MCTP1: variants seen among roughly 807,000 people sequenced by gnomAD.
The protein encoded by MCTP1 is multiple C2 and transmembrane domain-containing protein 1.
A neutral mutation model predicts 120.6 loss-of-function variants in MCTP1; 69 were observed. That is an observed-to-expected ratio of 0.57 (90% CI 0.47 to 0.70). The LOEUF is 0.70. Ranked by LOEUF, MCTP1 falls within the 30% of genes least tolerant of loss-of-function variation. The pLI, the probability that MCTP1 is intolerant of heterozygous loss-of-function variation, is 0.00. For missense variants in MCTP1, 1,203 were observed against 1,248.8 expected (o/e 0.96, Z 0.55); for synonymous variants, 529 against 493.1 (o/e 1.07, Z -0.96).
intron 4 of MCTP1, among the ~76,000 whole-genome samples, chr5:94,940,833 A>C (rs1181317068): frequency 6.6e-6 from 1 of 151,508 alleles, no homozygotes; most frequent in East Asian, 1.9e-4. Flanking sequence ...TGTATTACAT[A>C]GTATAATAAC....
intron 18 of MCTP1, among the ~76,000 whole-genome samples, chr5:94,794,616 T>C (rs941454970): frequency 2.0e-5 from 3 of 152,216 alleles, no homozygotes; most frequent in Non-Finnish European, 4.4e-5. Flanking sequence ...AGTTGCTTAC[T>C]TATCCTCCTT....
At chr5:94,837,273 C>T (rs777960117) in intron 17 of MCTP1, among the ~76,000 whole-genome samples, 5 of 152,126 alleles carry the variant, frequency 3.3e-5, no homozygotes, top group East Asian at 3.9e-4. Context: ...CCCAGCTGCT[C>T]GGGAGGCTGA....
intron 17 of MCTP1, among the ~76,000 whole-genome samples, chr5:94,800,042 T>A (rs1005442668): frequency 6.6e-6 from 1 of 152,198 alleles, no homozygotes; most frequent in Non-Finnish European, 1.5e-5. Context: ...CTGACTCTAA[T>A]GCTAACTAGC....
Position 94,987,834 on chromosome 5 carries a change from CTAAA to C in MCTP1, c.838+29529_838+29532del, listed in dbSNP as rs540112696. 2.6e-3 allele frequency among the ~76,000 whole-genome samples: 393 copies of C among 152,282 alleles called. 2 individuals are homozygous for C. The highest frequency in any genetic ancestry group is 8.9e-3 in the African/African-American group (368 of 41,548). On this transcript the variant is annotated intron_variant, in intron 2 of 22. Coordinates refer to ENST00000515393, the MANE Select transcript of MCTP1 (RefSeq NM_024717.7). ...GATGAAAACTTGATAAGTGAATCCT[CTAAA>C]TAAATTATCATTTGGAGAGCTTTTT...
chr5:94,839,881 CATATA>C (rs1455489210), intron 17 of MCTP1, among the ~76,000 whole-genome samples: 3 of 152,174 alleles, frequency 2.0e-5, no homozygotes, highest in Non-Finnish European at 4.4e-5. Flanking sequence ...CACTGCCTAG[CATATA>C]ATATATGCTC....
At chr5:94,713,229 T>C (rs1453230149) in intron 20 of MCTP1, among the ~76,000 whole-genome samples, 1 of 152,068 alleles carries the variant, frequency 6.6e-6, no homozygotes, top group African/African-American at 2.4e-5. Flanking sequence ...TTTTTTAGCA[T>C]CCAAAAGATC....
intron 1 of MCTP1, among the ~76,000 whole-genome samples, chr5:95,117,047 A>G (rs1256011703): frequency 1.3e-5 from 2 of 152,202 alleles, no homozygotes; most frequent in African/African-American, 4.8e-5. Context: ...TTTAGAAGAA[A>G]AAACAAACAA....
chr5:94,868,604 A>G (rs2153276737), intron 16 of MCTP1, 152 bp from the exon 17 acceptor site: 1 of 503,698 alleles, frequency 2.0e-6, no homozygotes, highest in East Asian at 3.5e-5. Context: ...CACAAGTTAA[A>G]GAATTTATTT....
intron 2 of MCTP1, among the ~76,000 whole-genome samples, chr5:94,956,262 C>T (rs1822583263): frequency 6.6e-6 from 1 of 152,122 alleles, no homozygotes; most frequent in South Asian, 2.1e-4. Context: ...ATCCAAAGGT[C>T]ACCAACAGCA....
chr5:95,234,381 T>C (rs1268775678), intron 1 of MCTP1, among the ~76,000 whole-genome samples: 24 of 152,198 alleles, frequency 1.6e-4, no homozygotes, highest in Admixed American at 1.6e-3. Context: ...TTTGTTTACA[T>C]TGAGAAGCTT....
Position 94,866,760 on chromosome 5 carries a change from G to C in MCTP1, c.2436+1573C>G, listed in dbSNP as rs114318829. ...CCAGTGCCTGAGTTTTTTTTTTTTA[G>C]AATCAAAAGGAAATTGCAAAAAAAA... On this transcript the variant is annotated intron_variant, in intron 17 of 22. Transcript: ENST00000515393. 6.4e-3 allele frequency among the ~76,000 whole-genome samples: 947 copies of C among 148,320 alleles called. 6 individuals are homozygous for C. The highest frequency in any genetic ancestry group is 0.023 in the African/African-American group (912 of 40,250).
At chr5:95,021,940 A>G (rs1356704676) in intron 1 of MCTP1, among the ~76,000 whole-genome samples, 4 of 152,184 alleles carry the variant, frequency 2.6e-5, no homozygotes, top group African/African-American at 4.8e-5. Context: ...TGCTTTAAAA[A>G]AAGCACTGCT....
At chr5:94,851,316 C>T (rs1466669992) in intron 17 of MCTP1, among the ~76,000 whole-genome samples, 3 of 152,080 alleles carry the variant, frequency 2.0e-5, no homozygotes, top group South Asian at 2.1e-4. Flanking sequence ...CAATCTGTCA[C>T]TCCATATGCA....
At chr5:94,789,947 G>A (rs900191678) in intron 18 of MCTP1, among the ~76,000 whole-genome samples, 3 of 152,130 alleles carry the variant, frequency 2.0e-5, no homozygotes, top group Non-Finnish European at 4.4e-5. Context: ...CATTTTTTGA[G>A]TAACTCAGAG....
In MCTP1 at chr5:95,233,520, G is replaced by A. The variant is rs563550220; in HGVS notation, c.720+50336C>T. Reference sequence around the variant, plus strand: ...ATTTTTTTGTATTTTTAGTAGAGACGGGGTTTCACTGTGTTAGCCAGGATG... The same window carrying A: ...ATTTTTTTGTATTTTTAGTAGAGACAGGGTTTCACTGTGTTAGCCAGGATG... On this transcript the variant is annotated intron_variant, in intron 1 of 22. Transcript: ENST00000515393. 8.5e-5 allele frequency among the ~76,000 whole-genome samples: 13 copies of A among 152,076 alleles called. No homozygotes were observed. In the East Asian group the frequency reaches 1.7e-3, roughly 20 times the overall value.
intron 1 of MCTP1, among the ~76,000 whole-genome samples, chr5:95,176,394 A>G (rs1435473009): frequency 6.6e-6 from 1 of 152,032 alleles, no homozygotes; most frequent in Non-Finnish European, 1.5e-5. Context: ...GTGTGATGGC[A>G]CACACCTGTA....
chr5:94,906,826 C>T (rs1039826449), intron 10 of MCTP1, among the ~76,000 whole-genome samples: 1 of 151,982 alleles, frequency 6.6e-6, no homozygotes, highest in Admixed American at 6.6e-5. Context: ...ATAGTATTAC[C>T]CTCCATGGCC....
At chr5:95,014,910 A>C (rs2153663638) in intron 2 of MCTP1, among the ~76,000 whole-genome samples, 1 of 152,168 alleles carries the variant, frequency 6.6e-6, no homozygotes, top group Middle Eastern at 3.4e-3. Flanking sequence ...TGCCACAGCC[A>C]CTCCAACCTT....
intron 18 of MCTP1, among the ~76,000 whole-genome samples, chr5:94,794,427 C>T (rs1193794494): frequency 6.6e-6 from 1 of 152,214 alleles, no homozygotes; most frequent in Non-Finnish European, 1.5e-5. Context: ...AGCACCAATT[C>T]ATGCAAGGTT....
Sources: gnomAD v4.1 joint callset for allele counts (sites outside exome capture counted in the v4.1 genomes callset) on GRCh38, gnomAD v4.1.1 for gene constraint, MANE v1.5 for transcripts, NCBI Gene and HGNC (gene_info 2026-07-23, HGNC 2026-07-21) for gene names.